The following ASTN1 variants were observed in gnomAD, a reference collection of about 807,000 sequenced individuals.
ASTN1 encodes astrotactin 1, also known as astrotactin-1.
A neutral mutation model predicts 140.7 loss-of-function variants in ASTN1; 41 were observed. The ratio of observed to expected loss-of-function variants is 0.29; its 90% CI spans 0.23 to 0.38. The LOEUF (loss-of-function observed/expected upper bound fraction) is 0.38. ASTN1 is among the 10% of genes least tolerant of loss of function. The pLI is 1.00. For synonymous variants in ASTN1, 640 were observed against 652.2 expected, an observed-to-expected ratio of 0.98 and a Z score of 0.29; for missense variants, 1,479 against 1,678.8, an observed-to-expected ratio of 0.88 and a Z score of 2.08.
chr1:177,031,862 G>A lies in ASTN1; in HGVS notation c.865+594C>T, dbSNP rs569919181. Reference sequence around the variant, plus strand: ...TTTTGACCCTAATCTTGTTCATCTGGATTAGTTCTTCCAGTCAGTGTCTCC... The same window carrying A: ...TTTTGACCCTAATCTTGTTCATCTGAATTAGTTCTTCCAGTCAGTGTCTCC... On this transcript the variant is annotated intron_variant, in intron 3 of 22. Coordinates refer to ENST00000361833, the MANE Select transcript of ASTN1 (RefSeq NM_004319.3). Among the ~76,000 whole-genome samples the A allele has an allele frequency of 2.0e-5, 3 of 152,254 alleles. No individual in the cohort carries two copies. In the East Asian group the frequency reaches 5.8e-4, roughly 29 times the overall value.
intron 1 of ASTN1, among the ~76,000 whole-genome samples, chr1:177,077,213 T>C (rs191565349): frequency 8.5e-5 from 13 of 152,190 alleles, no homozygotes; most frequent in Non-Finnish European, 8.8e-5. Context: ...TATCAGGGAC[T>C]TTCCCCCTCA....
chr1:176,929,061 G>A (rs917756641), intron 16 of ASTN1, among the ~76,000 whole-genome samples: 6 of 152,194 alleles, frequency 3.9e-5, no homozygotes, highest in African/African-American at 1.2e-4. Flanking sequence ...AGAAGCAAAT[G>A]AAAAGGTTTT....
chr1:176,981,769 C>T (rs41267148), intron 8 of ASTN1: 4,016 of 152,826 alleles, frequency 0.026, 90 homozygotes, highest in Middle Eastern at 0.078. Context: ...ATTCAGTTCA[C>T]TGTGCTAGGG....
chr1:177,144,262 T>C (rs988651734), intron 1 of ASTN1, among the ~76,000 whole-genome samples: 14 of 151,676 alleles, frequency 9.2e-5, no homozygotes, highest in African/African-American at 3.4e-4. Flanking sequence ...GATTTTTTTT[T>C]TTTTTTCTGA....
At position 176,862,782 on chromosome 1, in the gene ASTN1, G is replaced by A. The variant is rs1019111455; in HGVS notation, c.*1502C>T. On this transcript the variant is annotated 3_prime_UTR_variant, in exon 23 of 23. Coordinates refer to ENST00000361833, the MANE Select transcript of ASTN1 (RefSeq NM_004319.3). Reference sequence around the variant, plus strand: ...TGATACCTAAAGTGCTTACATCAGCGCCTGGCATACAGCAAGCACTCAATA... The same window carrying A: ...TGATACCTAAAGTGCTTACATCAGCACCTGGCATACAGCAAGCACTCAATA... 1.4e-5 allele frequency: 14 copies of A among 977,052 alleles called. No homozygotes were observed. Among genetic ancestry groups the A allele is most frequent in the Admixed American group, 1.2e-4 (2 of 16,264 alleles). 60.5% of individuals were successfully genotyped at this position (977,052 alleles called of 1,614,324 possible).
chr1:176,939,163 T>A (rs936911751), intron 14 of ASTN1, among the ~76,000 whole-genome samples: 1 of 152,038 alleles, frequency 6.6e-6, no homozygotes, highest in Non-Finnish European at 1.5e-5. Context: ...CATAGTATCA[T>A]ACACATACAT....
intron 21 of ASTN1, among the ~76,000 whole-genome samples, chr1:176,869,944 C>A (rs1276370798): frequency 6.6e-6 from 1 of 152,118 alleles, no homozygotes; most frequent in Non-Finnish European, 1.5e-5. Context: ...GGTGCAAAGG[C>A]AGATCTGTGG....
At chr1:177,133,070 CATA>C (rs1682017202) in intron 1 of ASTN1, among the ~76,000 whole-genome samples, 1 of 152,210 alleles carries the variant, frequency 6.6e-6, no homozygotes, top group Non-Finnish European at 1.5e-5. Flanking sequence ...AATATTTCGA[CATA>C]ATATCTGTGC....
chr1:177,029,739 C>A lies in ASTN1; in HGVS notation c.1015G>T (p.Gly339Cys), dbSNP rs1016455708. 1.2e-6 allele frequency: 2 copies of A among 1,610,200 alleles called. No individual in the cohort carries two copies. Among genetic ancestry groups the A allele is most frequent in the Admixed American group, 1.7e-5 (1 of 59,790 alleles). Residue 339 changes from glycine to cysteine, a missense_variant and splice_region_variant, in exon 5 of 23, where the codon GGT becomes TGT. Around this residue, in one of 3 missense-constraint regions of ASTN1, gnomAD observed 729 missense variants for 860.4 expected, o/e 0.85. Transcript: ENST00000361833. ...CCTTCAGGGTTCAAGAAGGCGGAAC[C>A]AGCTGTAATGAAAGCAGCATGGTCA... ...RKRINNKARA[G>C]SAFLNPEGDS...
At chr1:177,146,109 C>A (rs1439636770) in intron 1 of ASTN1, among the ~76,000 whole-genome samples, 6 of 151,942 alleles carry the variant, frequency 3.9e-5, no homozygotes, top group Non-Finnish European at 8.8e-5. Context: ...TAAAAAAAAA[C>A]CTATATTTTC....
intron 1 of ASTN1, among the ~76,000 whole-genome samples, chr1:177,102,313 A>C (rs7552345): frequency 0.48 from 72,600 of 152,022 alleles, 18,333 homozygotes; most frequent in Middle Eastern, 0.57. Context: ...CTATTGGTCT[A>C]TTTATACAGA....
chr1:176,895,397 T>C (rs1669462856), intron 16 of ASTN1, among the ~76,000 whole-genome samples: 1 of 152,224 alleles, frequency 6.6e-6, no homozygotes, highest in Non-Finnish European at 1.5e-5. Context: ...TCTATCATTA[T>C]ACTCAGTTTA....
chr1:176,987,320 C>T (rs945676127), intron 8 of ASTN1, among the ~76,000 whole-genome samples: 1 of 152,160 alleles, frequency 6.6e-6, no homozygotes, highest in African/African-American at 2.4e-5. Flanking sequence ...TATATATGAA[C>T]AGGTATCACT....
intron 1 of ASTN1, among the ~76,000 whole-genome samples, chr1:177,124,581 T>G (rs778725459): frequency 3.9e-5 from 6 of 152,212 alleles, no homozygotes; most frequent in Non-Finnish European, 7.3e-5. Flanking sequence ...ATGTCTGATG[T>G]ATATCGCCTG....
At chr1:177,046,725 G>T (rs1677245442) in intron 2 of ASTN1, among the ~76,000 whole-genome samples, 1 of 152,166 alleles carries the variant, frequency 6.6e-6, no homozygotes, top group South Asian at 2.1e-4. Context: ...GCCACTTCTG[G>T]TGTGTGTGAC....
intron 12 of ASTN1, 139 bp downstream of exon 12, chr1:176,949,046 A>T: frequency 8.1e-7 from 1 of 1,236,952 alleles, no homozygotes; most frequent in East Asian, 2.4e-5. Context: ...TTCCCCCCCA[A>T]GTCCTAGAGG....
At position 176,864,039 on chromosome 1, in the gene ASTN1, G is replaced by A. The variant is rs1487757529; in HGVS notation, c.*245C>T. 3 of 1,313,288 alleles carry A rather than the reference G, an allele frequency of 2.3e-6. No individual in the cohort carries two copies. Among genetic ancestry groups the A allele is most frequent in the Admixed American group, 3.6e-5 (1 of 27,792 alleles). The allele number at this position is 1,313,288 out of a possible 1,614,324, so 81.4% of individuals were successfully genotyped here. A position where few individuals can be genotyped will look rare whatever the true frequency, so the allele number is the denominator to read the frequency against. ...AATTAATGGCAAAGCAAACCCCAAAGTAATCCTCTAAAGAAATATGGCACT... is the reference window on the plus strand; with the variant it reads ...AATTAATGGCAAAGCAAACCCCAAAATAATCCTCTAAAGAAATATGGCACT... On this transcript the variant is annotated 3_prime_UTR_variant, in exon 23 of 23. Coordinates refer to ENST00000361833, the MANE Select transcript of ASTN1 (RefSeq NM_004319.3).
chr1:176,946,858 G>C (rs1051464195), intron 12 of ASTN1, among the ~76,000 whole-genome samples: 3 of 152,150 alleles, frequency 2.0e-5, no homozygotes, highest in African/African-American at 7.2e-5. Context: ...TCATTAATTG[G>C]ACCTTATTTG....
chr1:176,872,361 G>A (rs1668385290), intron 21 of ASTN1, among the ~76,000 whole-genome samples: 1 of 152,100 alleles, frequency 6.6e-6, no homozygotes, highest in Admixed American at 6.5e-5. Flanking sequence ...TTACAGTCTG[G>A]TGGTAGGAGA....
Sources: gnomAD v4.1 joint callset for allele counts (sites outside exome capture counted in the v4.1 genomes callset) on GRCh38, gnomAD v4.1.1 for gene constraint, gnomAD v4.1.1 regional missense constraint, MANE v1.5 for transcripts, NCBI Gene and HGNC (gene_info 2026-07-23, HGNC 2026-07-21) for gene names.